The following ST8SIA6 variants were observed in gnomAD, a reference collection of about 807,000 sequenced individuals.
ST8SIA6 encodes ST8 alpha-N-acetyl-neuraminide alpha-2,8-sialyltransferase 6.
Under a neutral mutation model 33.6 loss-of-function variants are expected in ST8SIA6, and 39 were observed. The observed-to-expected ratio is 1.16, with a 90% CI of 0.90 to 1.52. ST8SIA6 has a LOEUF of 1.52. Among genes scored for constraint, ST8SIA6 ranks in the 40% most tolerant of loss-of-function variants. The pLI, the probability that ST8SIA6 is intolerant of heterozygous loss-of-function variation, is 0.00. For synonymous variants in ST8SIA6, 172 were observed against 167.2 expected, an observed-to-expected ratio of 1.03 and a Z score of -0.22; for missense variants, 441 against 443.8, an observed-to-expected ratio of 0.99 and a Z score of 0.06.
chr10:17,348,760 G>C (rs1222462474), intron 4 of ST8SIA6, among the ~76,000 whole-genome samples: 1 of 152,192 alleles, frequency 6.6e-6, no homozygotes, highest in African/African-American at 2.4e-5. Context: ...TCTGGGAACT[G>C]CTTTTGGCTT....
chr10:17,398,262 G>A (rs866415118), intron 2 of ST8SIA6, among the ~76,000 whole-genome samples: 1 of 152,158 alleles, frequency 6.6e-6, no homozygotes, highest in Middle Eastern at 3.4e-3. Flanking sequence ...GGGAGGCAGA[G>A]GTTGCAGTGA....
At chr10:17,431,613 C>T (rs1238452920) in intron 2 of ST8SIA6, among the ~76,000 whole-genome samples, 3 of 152,108 alleles carry the variant, frequency 2.0e-5, no homozygotes, top group Non-Finnish European at 4.4e-5. Context: ...GTGAGATCCT[C>T]TCTGTCCTAA....
intron 5 of ST8SIA6, among the ~76,000 whole-genome samples, 168 bp from the exon 6 acceptor site, chr10:17,327,294 G>A (rs1357538039): frequency 6.6e-6 from 1 of 152,168 alleles, no homozygotes; most frequent in Non-Finnish European, 1.5e-5. Flanking sequence ...TTAGCATAAA[G>A]AACCAGCTGG....
At chr10:17,371,510 C>A (rs56220472) in intron 3 of ST8SIA6, among the ~76,000 whole-genome samples, 18,776 of 151,958 alleles carry the variant, frequency 0.12, 1,275 homozygotes, top group South Asian at 0.19. Flanking sequence ...AGGGCCTGGG[C>A]ACACTGGCTC....
At chr10:17,330,130 T>C (rs1848248760) in intron 5 of ST8SIA6, among the ~76,000 whole-genome samples, 1 of 152,150 alleles carries the variant, frequency 6.6e-6, no homozygotes, top group Admixed American at 6.6e-5. Context: ...CAGAATTTCC[T>C]CTCCCCAGTT....
intron 2 of ST8SIA6, among the ~76,000 whole-genome samples, chr10:17,391,743 TGA>T (rs1850621983): frequency 6.6e-6 from 1 of 152,168 alleles, no homozygotes; most frequent in Non-Finnish European, 1.5e-5. Context: ...AAAAAAAATC[TGA>T]AGTCAGGTTA....
chr10:17,449,600 T>C (rs551740003), intron 2 of ST8SIA6, among the ~76,000 whole-genome samples: 1 of 152,324 alleles, frequency 6.6e-6, no homozygotes, highest in African/African-American at 2.4e-5. Flanking sequence ...TCCAAATTCT[T>C]TTCATTCTCC....
intron 2 of ST8SIA6, among the ~76,000 whole-genome samples, chr10:17,424,849 T>A (rs763274116): frequency 1.3e-5 from 2 of 151,690 alleles, no homozygotes; most frequent in Non-Finnish European, 2.9e-5. Flanking sequence ...TTCTCATGCC[T>A]CAGCCTCCTG....
intron 3 of ST8SIA6, 111 bp from the exon 4 acceptor site, chr10:17,359,711 A>G (rs574255353): frequency 3.7e-6 from 2 of 535,230 alleles, no homozygotes; most frequent in Non-Finnish European, 6.3e-6. Context: ...TTTTGATATA[A>G]GGTGAGGCAG....
At chr10:17,446,067 C>T (rs112631256) in intron 2 of ST8SIA6, among the ~76,000 whole-genome samples, 2,057 of 151,918 alleles carry the variant, frequency 0.014, 25 homozygotes, top group Non-Finnish European at 0.022. Flanking sequence ...TTTAAACATT[C>T]AGAGATTTGT....
intron 6 of ST8SIA6, 93 bp from the exon 7 acceptor site, chr10:17,323,250 C>CACACACA: frequency 9.1e-5 from 66 of 722,170 alleles, no homozygotes; most frequent in Middle Eastern, 4.0e-4. Context: ...CACACACACA[C>CACACACA]CTATCTATAA....
At chr10:17,399,911 C>G (rs1376970458) in intron 2 of ST8SIA6, among the ~76,000 whole-genome samples, 1 of 127,434 alleles carries the variant, frequency 7.8e-6, no homozygotes, top group Non-Finnish European at 1.6e-5. Flanking sequence ...GAGGGAGATT[C>G]TGTCTCAAAA....
chr10:17,432,020 C>A (rs183913167), intron 2 of ST8SIA6, among the ~76,000 whole-genome samples: 49 of 152,128 alleles, frequency 3.2e-4, no homozygotes, highest in African/African-American at 1.2e-3. Flanking sequence ...AAGCCGAAAA[C>A]CGGAAGCAAG....
intron 2 of ST8SIA6, among the ~76,000 whole-genome samples, chr10:17,423,965 A>G (rs576419124): frequency 6.6e-6 from 1 of 152,338 alleles, no homozygotes; most frequent in African/African-American, 2.4e-5. Context: ...GACAGATAGC[A>G]AATCTCCCTT....
At chr10:17,437,691 C>G (rs1338953351) in intron 2 of ST8SIA6, among the ~76,000 whole-genome samples, 1 of 141,058 alleles carries the variant, frequency 7.1e-6, no homozygotes, top group Non-Finnish European at 1.5e-5. Flanking sequence ...TTCTCTTTCT[C>G]CCTTCCCTTC....
chr10:17,378,633 AAAC>A (rs1849999966), intron 3 of ST8SIA6, among the ~76,000 whole-genome samples: 2 of 152,134 alleles, frequency 1.3e-5, no homozygotes, highest in African/African-American at 4.8e-5. Context: ...ACAACAAACA[AAAC>A]AACAACTTCA....
rs1178302591 is a variant in ST8SIA6, at chr10:17,318,648, T to G, written c.*2230A>C. The stretch of plus-strand genomic sequence containing the variant: ...TAAGCAATGCTGATTACATACAGAT[T>G]TCTTGGGAGTGTCACAGTCAGACTT... On this transcript the variant is annotated 3_prime_UTR_variant, in exon 8 of 8. Coordinates refer to ENST00000377602, the MANE Select transcript of ST8SIA6 (RefSeq NM_001004470.3). 2.1e-6 allele frequency: 1 copy of G among 469,580 alleles called. No individual in the cohort carries two copies. Among genetic ancestry groups the G allele is most frequent in the East Asian group, 6.9e-5 (1 of 14,406 alleles). 29.1% of individuals were successfully genotyped at this position (469,580 alleles called of 1,614,324 possible). A position where few individuals can be genotyped will look rare whatever the true frequency, so the allele number is the denominator to read the frequency against.
intron 2 of ST8SIA6, among the ~76,000 whole-genome samples, chr10:17,399,471 A>T (rs2131676101): frequency 6.6e-6 from 1 of 152,354 alleles, no homozygotes; most frequent in Non-Finnish European, 1.5e-5. Flanking sequence ...GCAGCTTAAA[A>T]TTGCAAAAAT....
At chr10:17,382,286 G>C (rs1850178963) in intron 3 of ST8SIA6, among the ~76,000 whole-genome samples, 1 of 151,726 alleles carries the variant, frequency 6.6e-6, no homozygotes, top group Non-Finnish European at 1.5e-5. Context: ...TTACATCCAT[G>C]TATCTTCTTG....
Sources: gnomAD v4.1 joint callset for allele counts (sites outside exome capture counted in the v4.1 genomes callset) on GRCh38, gnomAD v4.1.1 for gene constraint, MANE v1.5 for transcripts, NCBI Gene and HGNC (gene_info 2026-07-23, HGNC 2026-07-21) for gene names.